The following RAB3IL1 variants were observed in gnomAD, a reference collection of about 807,000 sequenced individuals.
RAB3IL1 encodes the protein RAB3A interacting protein like 1.
In RAB3IL1, 37 loss-of-function variants were observed where a neutral mutation model predicts 49.2. The observed-to-expected ratio is 0.75, with a 90% CI of 0.58 to 0.99. The LOEUF (loss-of-function observed/expected upper bound fraction) is 0.99, where lower values mean the gene tolerates loss of function less well. Ranked by LOEUF, RAB3IL1 falls within the 50% of genes least tolerant of loss-of-function variation. The pLI, the probability that RAB3IL1 is intolerant of heterozygous loss-of-function variation, is 0.00. For missense variants in RAB3IL1, 484 were observed against 513.0 expected, an observed-to-expected ratio of 0.94 and a Z score of 0.55; for synonymous variants, 193 against 213.9, an observed-to-expected ratio of 0.90 and a Z score of 0.85.
intron 1 of RAB3IL1, among the ~76,000 whole-genome samples, chr11:61,912,634 C>T (rs1795196352): frequency 6.6e-6 from 1 of 152,214 alleles, no homozygotes; most frequent in Admixed American, 6.5e-5. Flanking sequence ...GGCCAGAATG[C>T]ACAGCAAGGA....
At chr11:61,904,289 G>C (rs1283010387) in intron 7 of RAB3IL1, among the ~76,000 whole-genome samples, 1 of 152,086 alleles carries the variant, frequency 6.6e-6, no homozygotes, top group Non-Finnish European at 1.5e-5. Flanking sequence ...GCCAGCAACT[G>C]ATAATCATGG....
chr11:61,913,134 C>T (rs555870557), intron 1 of RAB3IL1, among the ~76,000 whole-genome samples: 8 of 151,920 alleles, frequency 5.3e-5, no homozygotes, highest in South Asian at 2.1e-4. Flanking sequence ...GCACTGGTTT[C>T]GGGGAGCAGC....
the RAB3IL1 span, among the ~76,000 whole-genome samples, chr11:61,925,350 G>C: frequency 6.6e-6 from 1 of 152,094 alleles, no homozygotes; most frequent in African/African-American, 2.4e-5. Context: ...TATCCATATA[G>C]AGCCGGGTGC....
intron 7 of RAB3IL1, among the ~76,000 whole-genome samples, chr11:61,902,894 C>G (rs1186339087): frequency 2.6e-5 from 4 of 152,150 alleles, no homozygotes; most frequent in Non-Finnish European, 5.9e-5. Flanking sequence ...CACTCCTCCC[C>G]CAACTAGGCC....
chr11:61,907,311 G>T, intron 4 of RAB3IL1, 82 bp downstream of exon 4: 1 of 1,444,652 alleles, frequency 6.9e-7, no homozygotes, highest in East Asian at 2.3e-5. Flanking sequence ...GCGTCCACTC[G>T]GGCAGCAAAG....
intron 7 of RAB3IL1, 112 bp from the exon 8 acceptor site, chr11:61,902,653 C>T (rs1938980173): frequency 1.0e-6 from 1 of 952,714 alleles, no homozygotes. Context: ...AGGGGCAGGC[C>T]TCCCTTCCCC....
chr11:61,934,319 T>TACACACAC, the RAB3IL1 span, among the ~76,000 whole-genome samples: 4,702 of 126,324 alleles, frequency 0.037, 166 homozygotes, highest in African/African-American at 0.074. Context: ...TGAGTAAATA[T>TACACACAC]ACACACACAC....
upstream of RAB3IL1, among the ~76,000 whole-genome samples, chr11:61,922,102 G>A (rs919722890): frequency 3.2e-4 from 49 of 152,194 alleles, no homozygotes; most frequent in African/African-American, 1.2e-3. Flanking sequence ...CCAGCTACTC[G>A]GGAGGCTGAG....
chr11:61,918,524 A>G (rs1939806598), upstream of RAB3IL1, among the ~76,000 whole-genome samples: 2 of 152,222 alleles, frequency 1.3e-5, no homozygotes, highest in African/African-American at 2.4e-5. Flanking sequence ...TCATTCATAC[A>G]TTCAGCCACT....
chr11:61,944,254 C>CCTTCCTTCCTTT, the RAB3IL1 span, among the ~76,000 whole-genome samples: 12 of 150,040 alleles, frequency 8.0e-5, no homozygotes, highest in Middle Eastern at 3.2e-3. Context: ...TTCCTTCCTT[C>CCTTCCTTCCTTT]CTTCCTTCCT....
the RAB3IL1 span, among the ~76,000 whole-genome samples, chr11:61,933,394 G>A: frequency 9.3e-6 from 1 of 107,770 alleles, no homozygotes; most frequent in Admixed American, 1.0e-4. Flanking sequence ...GCAGCCACCA[G>A]GAGCTGAAAG....
rs528881136 is a variant in RAB3IL1, at chr11:61,906,829, G to A, written c.439-145C>T. The A allele has an allele frequency of 1.1e-5, 9 of 789,538 alleles. No individual in the cohort carries two copies. In the East Asian group the frequency reaches 2.1e-4, roughly 19 times the overall value. 48.9% of individuals were successfully genotyped at this position (789,538 alleles called of 1,614,324 possible). A position where few individuals can be genotyped will look rare whatever the true frequency, so the allele number is the denominator to read the frequency against. On this transcript the variant is annotated intron_variant, in intron 4 of 9. Transcript: ENST00000394836. The surrounding 1 kb of genome is among the most constrained non-coding windows in gnomAD (Gnocchi z 4.6). The stretch of plus-strand genomic sequence containing the variant: ...CGACGCCCTCAGAACAGCCTTCGAG[G>A]CAGAGACCCAGACACTCGTTTTACA...
chr11:61,918,372 A>T (rs1939800783), upstream of RAB3IL1, among the ~76,000 whole-genome samples: 1 of 152,290 alleles, frequency 6.6e-6, no homozygotes, highest in East Asian at 1.9e-4. Context: ...CTAGGGGAGG[A>T]CTGGGAGCGT....
At chr11:61,903,684 C>T (rs1151139) in intron 7 of RAB3IL1, among the ~76,000 whole-genome samples, 25,960 of 152,002 alleles carry the variant, frequency 0.17, 2,421 homozygotes, top group East Asian at 0.32. Context: ...CCACCACACC[C>T]GGCTAACTTT....
At chr11:61,901,692 T>A (rs1329735091) in intron 8 of RAB3IL1, among the ~76,000 whole-genome samples, 2 of 152,094 alleles carry the variant, frequency 1.3e-5, no homozygotes, top group Non-Finnish European at 2.9e-5. Context: ...GCTGAGGGTG[T>A]CCCCTTGCCA....
chr11:61,923,057 C>T (rs1939940219), upstream of RAB3IL1, among the ~76,000 whole-genome samples: 1 of 152,232 alleles, frequency 6.6e-6, no homozygotes, highest in Admixed American at 6.5e-5. Context: ...GCCAAGACCC[C>T]ACCAGCCTCT....
chr11:61,923,415 T>C (rs1939946989), upstream of RAB3IL1, among the ~76,000 whole-genome samples: 1 of 152,198 alleles, frequency 6.6e-6, no homozygotes, highest in Non-Finnish European at 1.5e-5. Flanking sequence ...TGCCTCTGCA[T>C]AGAGCTCAGT....
chr11:61,932,705 C>G, the RAB3IL1 span, among the ~76,000 whole-genome samples: 1 of 151,094 alleles, frequency 6.6e-6, no homozygotes, highest in Non-Finnish European at 1.5e-5. Flanking sequence ...ATAAAGTCTT[C>G]TAGAACTTTT....
the RAB3IL1 span, among the ~76,000 whole-genome samples, chr11:61,937,246 A>G: frequency 2.0e-5 from 3 of 152,186 alleles, no homozygotes; most frequent in Non-Finnish European, 4.4e-5. Flanking sequence ...TTTGCATGCT[A>G]TTGAAACTAA....
Sources: gnomAD v4.1 joint callset for allele counts (sites outside exome capture counted in the v4.1 genomes callset) on GRCh38, gnomAD v4.1.1 for gene constraint, Gnocchi (gnomAD v3.1) non-coding constraint, MANE v1.5 for transcripts, NCBI Gene and HGNC (gene_info 2026-07-23, HGNC 2026-07-21) for gene names.